The following TNS1 variants were observed in gnomAD, a reference collection of about 807,000 sequenced individuals.
The protein encoded by TNS1 is tensin 1.
A neutral mutation model predicts 168.6 loss-of-function variants in TNS1; 62 were observed. The ratio of observed to expected loss-of-function variants is 0.37; its 90% CI spans 0.30 to 0.45. The LOEUF is 0.45. Among genes scored for constraint, TNS1 ranks in the 20% least tolerant of loss-of-function variants. TNS1 has a pLI of 1.00. For synonymous variants in TNS1, 934 were observed against 933.2 expected (o/e 1.00, Z -0.02); for missense variants, 2,240 against 2,339.4 (o/e 0.96, Z 0.88).
At chr2:218,023,473 G>A (rs1236770032) in intron 1 of TNS1, among the ~76,000 whole-genome samples, 3 of 152,148 alleles carry the variant, frequency 2.0e-5, no homozygotes, top group South Asian at 2.1e-4. Context: ...CCAAGTCAGA[G>A]ACCCCCAAGC....
At chr2:217,934,608 T>C (rs2125915885) in intron 3 of TNS1, among the ~76,000 whole-genome samples, 1 of 152,296 alleles carries the variant, frequency 6.6e-6, no homozygotes, top group East Asian at 1.9e-4. Context: ...TTGGCTCCAA[T>C]CCTGCCAAGC....
chr2:217,882,323 A>G (rs537114164), intron 17 of TNS1, 23 bp downstream of exon 17: 112 of 1,537,738 alleles, frequency 7.3e-5, no homozygotes, highest in South Asian at 6.4e-4. Context: ...GAGTGAGAGA[A>G]TGAATTCTAA....
intron 6 of TNS1, chr2:217,900,775 T>G: frequency 1.9e-6 from 1 of 533,708 alleles, no homozygotes; most frequent in Middle Eastern, 4.8e-4. Context: ...TGCACCCCAC[T>G]GGGCTGGTGC....
Position 217,813,750 on chromosome 2 carries a change from C to T in TNS1, c.4796G>A (p.Gly1599Asp). ...CACCTTCATGGCCAGCCCGTACGCGCCTCGGAAGGAGTGACTGTCGCGGAT... is the reference window on the plus strand; with the variant it reads ...CACCTTCATGGCCAGCCCGTACGCGTCTCGGAAGGAGTGACTGTCGCGGAT... ...FIIRDSHSFRGAYGLAMKVSS... is the reference protein window; with the variant it reads ...FIIRDSHSFRDAYGLAMKVSS... The change falls in exon 26 of 33, where the codon GGC becomes GAC. Residue 1599 changes from glycine to aspartate, a missense_variant. By Grantham distance (94) the Gly-to-Asp change is moderately conservative (BLOSUM62 -1). This residue lies in a region of TNS1 where 2,131 missense variants were observed against 2,171.2 expected (regional missense o/e 0.98). Coordinates refer to ENST00000682258, the MANE Select transcript of TNS1 (RefSeq NM_001387777.1). This position sits in a 1 kb window ranked among gnomAD's most constrained non-coding sequence, Gnocchi z 4.0. 6.2e-7 allele frequency: 1 copy of T among 1,614,050 alleles called. No homozygotes were observed. Among genetic ancestry groups the T allele is most frequent in the South Asian group, 1.1e-5 (1 of 91,078 alleles).
intron 18 of TNS1, among the ~76,000 whole-genome samples, chr2:217,856,784 A>G (rs1948189504): frequency 6.6e-6 from 1 of 152,230 alleles, no homozygotes; most frequent in Non-Finnish European, 1.5e-5. Flanking sequence ...AGACCAGTCC[A>G]TGAGTGACAA....
rs376430605 is a variant in TNS1 at position 217,839,129 on chromosome 2, C to A, written c.3008-2918G>T. 5.9e-5 allele frequency among the ~76,000 whole-genome samples: 9 copies of A among 152,134 alleles called. No individual in the cohort carries two copies. The East Asian group carries it at 1.8e-3, about 30-fold the overall frequency. On this transcript the variant is annotated intron_variant, in intron 19 of 32. Transcript: ENST00000682258. ...GCAGGACACTGGGATGATGGGGGTACATAGTGGGGCCACTGGGTCACCCTC... is the reference window on the plus strand; with the variant it reads ...GCAGGACACTGGGATGATGGGGGTAAATAGTGGGGCCACTGGGTCACCCTC...
chr2:217,962,181 C>G (rs1333532460), intron 3 of TNS1, among the ~76,000 whole-genome samples: 2 of 152,214 alleles, frequency 1.3e-5, no homozygotes, highest in African/African-American at 2.4e-5. Flanking sequence ...AGGTGACTCA[C>G]GCCTATAATC....
chr2:217,961,135 C>G (rs1214834957), intron 3 of TNS1, among the ~76,000 whole-genome samples: 1 of 152,016 alleles, frequency 6.6e-6, no homozygotes, highest in African/African-American at 2.4e-5. Context: ...TATAGAACTT[C>G]AGGGAGCTCT....
intron 7 of TNS1, among the ~76,000 whole-genome samples, chr2:217,899,168 G>A (rs1055701861): frequency 6.6e-6 from 1 of 152,232 alleles, no homozygotes; most frequent in Non-Finnish European, 1.5e-5. Context: ...TCCCAGTCCA[G>A]GTGGGGTGTG....
chr2:218,016,389 C>T (rs1285471538), intron 1 of TNS1, among the ~76,000 whole-genome samples: 1 of 152,148 alleles, frequency 6.6e-6, no homozygotes, highest in African/African-American at 2.4e-5. Flanking sequence ...CAGGTCCCCG[C>T]CCACTTCAGG....
In TNS1 at chr2:217,882,424, A is replaced by T; in HGVS notation, c.1247-13T>A. ...GGAAATCGATCATCTGGAAAAAGAG[A>T]AGGAAAAATAAAAATAGGCAAAAAG... On this transcript the variant is annotated splice_polypyrimidine_tract_variant and intron_variant, in intron 16 of 32. Transcript: ENST00000682258. 1 of 1,586,058 alleles carries T rather than the reference A, an allele frequency of 6.3e-7. No homozygotes were observed. The highest frequency in any genetic ancestry group is 1.7e-4 in the Middle Eastern group (1 of 6,020).
intron 6 of TNS1, chr2:217,901,954 C>A (rs1368748980): frequency 6.6e-6 from 1 of 152,324 alleles, no homozygotes; most frequent in Admixed American, 6.5e-5. Context: ...CCAGCTGCCT[C>A]GGACCAATGA....
intron 22 of TNS1, among the ~76,000 whole-genome samples, chr2:217,827,447 G>A (rs1943779634): frequency 6.6e-6 from 1 of 152,162 alleles, no homozygotes; most frequent in Admixed American, 6.5e-5. Flanking sequence ...GACCCGGGCA[G>A]TGGCACATGA....
At chr2:217,886,229 G>A in intron 13 of TNS1, 125 bp from the exon 14 acceptor site, 1 of 1,033,728 alleles carries the variant, frequency 9.7e-7, no homozygotes, top group South Asian at 1.5e-5. Flanking sequence ...GTAGGAAGGG[G>A]AAGGAGGAAA....
At chr2:217,996,011 C>T (rs1046817713) in intron 1 of TNS1, among the ~76,000 whole-genome samples, 2 of 152,206 alleles carry the variant, frequency 1.3e-5, no homozygotes, top group African/African-American at 4.8e-5. Flanking sequence ...CTGGCTTGGA[C>T]AGCCTTGGCG....
intron 2 of TNS1, among the ~76,000 whole-genome samples, chr2:217,979,976 TGCCCGGAGCA>T (rs544508400): frequency 6.6e-6 from 1 of 152,110 alleles, no homozygotes; most frequent in South Asian, 2.1e-4. Context: ...CACAGATGAA[TGCCCGGAGCA>T]GCCCAGGGAG....
In TNS1 at chr2:217,909,529, A is replaced by T. The variant is rs950780913; in HGVS notation, c.229-2278T>A. On this transcript the variant is annotated intron_variant, in intron 4 of 32. Transcript: ENST00000682258. ...AGGGGTCTCAAACTTGAACATGCATAGCACCACCTAGAGGGCTGTTGACCC... is the reference window on the plus strand; with the variant it reads ...AGGGGTCTCAAACTTGAACATGCATTGCACCACCTAGAGGGCTGTTGACCC... Among the ~76,000 whole-genome samples the T allele has an allele frequency of 7.9e-5, 12 of 151,904 alleles. No homozygotes were observed. The South Asian group carries it at 2.1e-3, about 26-fold the overall frequency.
chr2:217,806,708 T>C (rs1939175136), intron 32 of TNS1, among the ~76,000 whole-genome samples: 1 of 152,194 alleles, frequency 6.6e-6, no homozygotes, highest in Admixed American at 6.5e-5. Flanking sequence ...TCTCCTAAGC[T>C]ACCATCACTG....
At chr2:217,912,815 AGGCAGC>A (rs1284552972) in intron 4 of TNS1, among the ~76,000 whole-genome samples, 1 of 152,188 alleles carries the variant, frequency 6.6e-6, no homozygotes, top group Non-Finnish European at 1.5e-5. Flanking sequence ...CACGAAAACA[AGGCAGC>A]GGCAGCGGCA....
Sources: allele counts gnomAD v4.1 joint callset (sites outside exome capture counted in the v4.1 genomes callset), GRCh38; gene constraint gnomAD v4.1.1; regional missense constraint gnomAD v4.1.1; non-coding constraint Gnocchi (gnomAD v3.1); transcripts MANE v1.5; gene names NCBI Gene and HGNC (gene_info 2026-07-23, HGNC 2026-07-21).